STAU1: variants seen among roughly 807,000 people sequenced by gnomAD.
STAU1 encodes staufen double-stranded RNA binding protein 1.
A neutral mutation model predicts 62.9 loss-of-function variants in STAU1; 13 were observed. The observed-to-expected ratio is 0.21, with a 90% CI of 0.13 to 0.33. The LOEUF is 0.33. Ranked by LOEUF, STAU1 falls within the 10% of genes least tolerant of loss-of-function variation. STAU1 has a pLI of 1.00. For synonymous variants in STAU1, 269 were observed against 265.1 expected (o/e 1.01, Z -0.14); for missense variants, 571 against 712.1 (o/e 0.80, Z 2.25).
chr20:49,127,083 G>A (rs1396477684), intron 6 of STAU1, among the ~76,000 whole-genome samples: 4 of 152,272 alleles, frequency 2.6e-5, no homozygotes, highest in South Asian at 2.1e-4. Flanking sequence ...GGCCGGGCGC[G>A]GTGGCTCACG....
At chr20:49,204,125 CT>C in the STAU1 span, among the ~76,000 whole-genome samples, 173 of 147,156 alleles carry the variant, frequency 1.2e-3, no homozygotes, top group African/African-American at 1.5e-3. Context: ...TGTGTATTTA[CT>C]TTTTTTTTTT....
chr20:49,119,041 T>G (rs2092402358), intron 9 of STAU1, among the ~76,000 whole-genome samples: 1 of 152,160 alleles, frequency 6.6e-6, no homozygotes. Flanking sequence ...GCTGTTTCTG[T>G]CAATATGACT....
chr20:49,115,791 G>A lies in STAU1; in HGVS notation c.1709C>T (p.Pro570Leu), dbSNP rs762448034. The change falls in exon 13 of 14, where the codon CCA becomes CTA. Residue 570 changes from proline (P) to leucine (L), a missense_variant. Physicochemically the swap from Pro to Leu is moderately conservative, Grantham distance 98 (BLOSUM62 -3). Transcript: ENST00000371856. ...TCATCAGTGCACTCACACAGACATTGGTCCGTTTCCTGTTCTTGGCATCTC... is the reference window on the plus strand; with the variant it reads ...TCATCAGTGCACTCACACAGACATTAGTCCGTTTCCTGTTCTTGGCATCTC... ...STEMPRTGNG[P>L]MSVCGRC The A allele has an allele frequency of 4.3e-6, 7 of 1,613,804 alleles. No homozygotes were observed. In the Middle Eastern group the frequency reaches 6.6e-4, roughly 152 times the overall value.
the STAU1 span, among the ~76,000 whole-genome samples, chr20:49,201,380 A>G: frequency 2.0e-5 from 3 of 152,174 alleles, no homozygotes; most frequent in African/African-American, 7.2e-5. Context: ...TTGACTGGCT[A>G]AGGCAAAAGC....
intron 5 of STAU1, among the ~76,000 whole-genome samples, chr20:49,147,966 G>A (rs1005002232): frequency 2.0e-5 from 3 of 152,138 alleles, no homozygotes; most frequent in African/African-American, 7.2e-5. Context: ...GTGATTATCC[G>A]CAAGTGGTAA....
At chr20:49,134,288 C>G (rs759333045) in intron 6 of STAU1, among the ~76,000 whole-genome samples, 1 of 151,796 alleles carries the variant, frequency 6.6e-6, no homozygotes, top group East Asian at 1.9e-4. Context: ...AAAATTAGCT[C>G]GGCATGGTGG....
At chr20:49,206,415 T>TA in the STAU1 span, among the ~76,000 whole-genome samples, 1 of 76,092 alleles carries the variant, frequency 1.3e-5, no homozygotes, top group Non-Finnish European at 2.7e-5. Context: ...TTCCTTCTGG[T>TA]TTTTTTTTTT....
chr20:49,172,569 G>A (rs1308766959), intron 2 of STAU1, among the ~76,000 whole-genome samples: 2 of 152,096 alleles, frequency 1.3e-5, no homozygotes, highest in African/African-American at 2.4e-5. Flanking sequence ...TTCAGAAAAG[G>A]GAAACTGTAA....
chr20:49,156,151 C>G (rs925663948), intron 3 of STAU1, among the ~76,000 whole-genome samples: 1 of 152,164 alleles, frequency 6.6e-6, no homozygotes, highest in Non-Finnish European at 1.5e-5. Flanking sequence ...TTCTGACCAA[C>G]AAAATTACAA....
Position 49,114,788 on chromosome 20 carries a change from G to A in STAU1, c.*90C>T. The stretch of plus-strand genomic sequence containing the variant: ...ACCCACCGTGTCTCTCGGCCCACTG[G>A]AGGTATCAGAAATTCCAAATTTTCA... On this transcript the variant is annotated 3_prime_UTR_variant, in exon 14 of 14. Coordinates refer to ENST00000371856, the MANE Select transcript of STAU1 (RefSeq NM_017453.4). 3 of 1,242,400 alleles carry A rather than the reference G, an allele frequency of 2.4e-6. No homozygotes were observed. Among genetic ancestry groups the A allele is most frequent in the Non-Finnish European group, 1.2e-6 (1 of 851,290 alleles). 77.0% of individuals were successfully genotyped at this position (1,242,400 alleles called of 1,614,324 possible).
At chr20:49,165,902 T>C (rs2093518321) in intron 3 of STAU1, 95 bp downstream of exon 3, 1 of 1,282,544 alleles carries the variant, frequency 7.8e-7, no homozygotes, top group South Asian at 1.3e-5. Flanking sequence ...TTTTTGAAGG[T>C]AAATGTGAGA....
intron 5 of STAU1, 143 bp downstream of exon 5, chr20:49,151,439 G>C (rs764537683): frequency 2.5e-6 from 2 of 807,952 alleles, no homozygotes; most frequent in Non-Finnish European, 3.5e-6. Flanking sequence ...GAAAGCTACA[G>C]AGCATAAAAT....
chr20:49,210,464 T>C, the STAU1 span: 1 of 455,996 alleles, frequency 2.2e-6, no homozygotes, highest in Non-Finnish European at 4.4e-6. Context: ...CCTCCTCTTC[T>C]CTCTCTCCTT....
chr20:49,126,588 C>CAAAAAAAAAAAAAAAAAA, intron 6 of STAU1, among the ~76,000 whole-genome samples: 1 of 56,348 alleles, frequency 1.8e-5, no homozygotes, highest in Non-Finnish European at 3.7e-5. Context: ...AAAAAAAAAA[C>CAAAAAAAAAAAAAAAAAA]AAAAAAAAAA....
intron 5 of STAU1, among the ~76,000 whole-genome samples, chr20:49,139,655 G>C (rs2092964600): frequency 6.6e-6 from 1 of 151,912 alleles, no homozygotes; most frequent in Non-Finnish European, 1.5e-5. Context: ...GAACCCAGGA[G>C]GCAGAGATTG....
chr20:49,166,448 G>A (rs1032156342), intron 2 of STAU1, among the ~76,000 whole-genome samples, 163 bp from the exon 3 acceptor site: 2 of 152,206 alleles, frequency 1.3e-5, no homozygotes, highest in African/African-American at 4.8e-5. Flanking sequence ...TTGGTATACA[G>A]TAAGTTTCTT....
rs562291525 is a variant in STAU1 at position 49,170,123 on chromosome 20, T to C, written c.-84-3838A>G. On this transcript the variant is annotated intron_variant, in intron 2 of 13. Coordinates refer to ENST00000371856, the MANE Select transcript of STAU1 (RefSeq NM_017453.4). The stretch of plus-strand genomic sequence containing the variant: ...GATGTACTAAAAAGTGGTCACAAAA[T>C]GTGTATTCAGCACTCAGCAGTGAAC... 6.6e-5 allele frequency among the ~76,000 whole-genome samples: 10 copies of C among 152,256 alleles called. No individual in the cohort carries two copies. In the East Asian group the frequency reaches 1.9e-3, roughly 29 times the overall value.
intron 6 of STAU1, among the ~76,000 whole-genome samples, chr20:49,125,214 A>AAACAAACAAAAAAAAAAC (rs1555836529): frequency 4.9e-4 from 71 of 146,140 alleles, no homozygotes; most frequent in African/African-American, 1.7e-3. Context: ...AAAAAAAAAA[A>AAACAAACAAAAAAAAAAC]AAAAAAAAAA....
chr20:49,126,682 T>C (rs1261375860), intron 6 of STAU1, among the ~76,000 whole-genome samples: 1 of 150,874 alleles, frequency 6.6e-6, no homozygotes, highest in African/African-American at 2.4e-5. Flanking sequence ...ATTTTAAAAC[T>C]TCCTATAAAG....
Sources: allele counts gnomAD v4.1 joint callset (sites outside exome capture counted in the v4.1 genomes callset), GRCh38; gene constraint gnomAD v4.1.1; transcripts MANE v1.5; gene names NCBI Gene and HGNC (gene_info 2026-07-23, HGNC 2026-07-21).